EYS: variants seen among roughly 807,000 people sequenced by gnomAD.
The protein encoded by EYS is protein eyes shut homolog.
EYS carries 250 observed loss-of-function variants against 282.1 expected under a neutral mutation model. That is an observed-to-expected ratio of 0.89 (90% confidence interval 0.80 to 0.98). The LOEUF (loss-of-function observed/expected upper bound fraction) is 0.98. EYS is among the 50% of genes least tolerant of loss of function. The pLI, the probability that EYS is intolerant of heterozygous loss-of-function variation, is 0.00. For synonymous variants in EYS, 1,355 were observed against 1,282.9 expected (o/e 1.06, Z -1.20); for missense variants, 4,016 against 3,709.0 (o/e 1.08, Z -2.15).
At chr6:64,359,153 C>G (rs1771925993) in intron 29 of EYS, among the ~76,000 whole-genome samples, 1 of 151,558 alleles carries the variant, frequency 6.6e-6, no homozygotes, top group Non-Finnish European at 1.5e-5. Flanking sequence ...GCATTAACAA[C>G]TCTCATATGC....
At chr6:64,221,245 C>T (rs1766092185) in intron 31 of EYS, among the ~76,000 whole-genome samples, 1 of 152,170 alleles carries the variant, frequency 6.6e-6, no homozygotes, top group South Asian at 2.1e-4. Context: ...TGGAAACTTA[C>T]TCCTCAGTGC....
Position 64,973,077 on chromosome 6 carries a change from T to C in EYS, c.2259+24505A>G, listed in dbSNP as rs371213691. On this transcript the variant is annotated intron_variant, in intron 14 of 42. Transcript: ENST00000503581. Reference sequence around the variant, plus strand: ...AAATATGGATCTGACTTCACTATTATTTTGTACTATATGATTTATAGCCCT... The same window carrying C: ...AAATATGGATCTGACTTCACTATTACTTTGTACTATATGATTTATAGCCCT... Among the ~76,000 whole-genome samples, 5 of 152,088 alleles carry C rather than the reference T, an allele frequency of 3.3e-5. No homozygotes were observed. In the South Asian group the frequency reaches 6.2e-4, roughly 19 times the overall value.
intron 36 of EYS, among the ~76,000 whole-genome samples, chr6:63,812,850 T>TA (rs565541706): frequency 6.6e-5 from 10 of 152,172 alleles, no homozygotes; most frequent in African/African-American, 1.9e-4. Flanking sequence ...TCCTTTCCTC[T>TA]AAAAAATGTT....
At chr6:64,466,720 A>C (rs892125623) in intron 26 of EYS, among the ~76,000 whole-genome samples, 4 of 152,108 alleles carry the variant, frequency 2.6e-5, no homozygotes, top group African/African-American at 9.7e-5. Flanking sequence ...TATTCTTGAA[A>C]ATTGCAAAGA....
intron 35 of EYS, among the ~76,000 whole-genome samples, chr6:63,894,500 T>C (rs1176574528): frequency 6.6e-6 from 1 of 152,060 alleles, no homozygotes; most frequent in Non-Finnish European, 1.5e-5. Flanking sequence ...AGACGGAGGA[T>C]GGCTCTGGCA....
chr6:65,120,179 T>A (rs367839593), intron 12 of EYS, among the ~76,000 whole-genome samples: 18 of 140,216 alleles, frequency 1.3e-4, no homozygotes, highest in South Asian at 4.4e-4. Flanking sequence ...AAAACAAATT[T>A]AAAAAAAACC....
intron 12 of EYS, among the ~76,000 whole-genome samples, chr6:65,111,209 T>C (rs1775204473): frequency 6.6e-6 from 1 of 152,130 alleles, no homozygotes; most frequent in South Asian, 2.1e-4. Context: ...AATTATGACT[T>C]CTTATATCAT....
At chr6:64,105,469 C>T (rs1371347522) in intron 31 of EYS, among the ~76,000 whole-genome samples, 1 of 152,026 alleles carries the variant, frequency 6.6e-6, no homozygotes, top group Non-Finnish European at 1.5e-5. Context: ...CTATAGTTTA[C>T]GTTGGAGTTC....
intron 7 of EYS, among the ~76,000 whole-genome samples, chr6:65,391,848 A>G (rs1300148219): frequency 6.6e-6 from 1 of 152,186 alleles, no homozygotes; most frequent in African/African-American, 2.4e-5. Context: ...ACCAAAAAAG[A>G]GCCCGCATTG....
chr6:65,667,533 G>A (rs75889087), intron 1 of EYS, among the ~76,000 whole-genome samples: 28 of 151,906 alleles, frequency 1.8e-4, no homozygotes, highest in Middle Eastern at 3.4e-3. Flanking sequence ...ACTCAGTGAC[G>A]CCTCTTTTCA....
intron 26 of EYS, among the ~76,000 whole-genome samples, chr6:64,468,854 T>C (rs181211388): frequency 6.6e-6 from 1 of 152,350 alleles, no homozygotes; most frequent in East Asian, 1.9e-4. Flanking sequence ...CATGGCTGTG[T>C]AGTATTCCGT....
intron 35 of EYS, among the ~76,000 whole-genome samples, chr6:63,942,586 G>C (rs901502953): frequency 3.9e-5 from 6 of 152,170 alleles, no homozygotes; most frequent in African/African-American, 1.4e-4. Flanking sequence ...CAATCTGGTA[G>C]AAGGGTTCTG....
In EYS at chr6:64,346,004, A is replaced by G. The variant is rs190089873; in HGVS notation, c.6079-38922T>C. On this transcript the variant is annotated intron_variant, in intron 29 of 42. Coordinates refer to ENST00000503581, the MANE Select transcript of EYS (RefSeq NM_001142800.2). ...ATGCAAATCAAAACCATGATGAGATACCATCTCACACCGGTTAGAATGGTG... is the reference window on the plus strand; with the variant it reads ...ATGCAAATCAAAACCATGATGAGATGCCATCTCACACCGGTTAGAATGGTG... 5.3e-5 allele frequency among the ~76,000 whole-genome samples: 8 copies of G among 152,310 alleles called. No homozygotes were observed. In the East Asian group the frequency reaches 1.4e-3, roughly 26 times the overall value.
rs1191859384 is a variant in EYS at position 64,912,492 on chromosome 6, C to A, written c.2633G>T (p.Cys878Phe). 2 of 1,550,954 alleles carry A rather than the reference C, an allele frequency of 1.3e-6. No homozygotes were observed. The highest frequency in any genetic ancestry group is 2.4e-5 in the South Asian group (2 of 84,042). ...TCCATATTAGCTCTTACCTTCTCTA[C>A]AAATACAATGCTGATTTGCGTCTAC... The part of the protein sequence containing the change: ...ALVDANQHCI[C>F]REEFEGKNCE... The change falls in exon 16 of 43, where the codon TGT becomes TTT. Residue 878 changes from cysteine (C) to phenylalanine (F), a missense_variant. Physicochemically the swap from Cys to Phe is radical, Grantham distance 205. Transcript: ENST00000503581.
chr6:64,755,343 C>T (rs1388189099), intron 22 of EYS, among the ~76,000 whole-genome samples: 2 of 151,934 alleles, frequency 1.3e-5, no homozygotes, highest in African/African-American at 4.8e-5. Context: ...TTGGAAGAAA[C>T]CCCAAAGCAA....
At chr6:64,746,558 T>C (rs989100574) in intron 22 of EYS, among the ~76,000 whole-genome samples, 3 of 152,164 alleles carry the variant, frequency 2.0e-5, no homozygotes, top group Non-Finnish European at 4.4e-5. Context: ...CAGTAACACA[T>C]TTATGTGTTT....
chr6:64,400,034 T>G (rs1053220773), intron 28 of EYS, among the ~76,000 whole-genome samples: 14 of 151,966 alleles, frequency 9.2e-5, no homozygotes, highest in African/African-American at 3.4e-4. Flanking sequence ...ATTGCTATGA[T>G]TTTTGAAATA....
chr6:64,711,801 C>T (rs1217052234), intron 22 of EYS, among the ~76,000 whole-genome samples: 1 of 152,124 alleles, frequency 6.6e-6, no homozygotes. Context: ...TGTCTCTTCC[C>T]CGAAGTCAGG....
At chr6:64,337,031 G>T (rs536903237) in intron 29 of EYS, among the ~76,000 whole-genome samples, 2 of 151,978 alleles carry the variant, frequency 1.3e-5, no homozygotes, top group Non-Finnish European at 2.9e-5. Context: ...GGCTGAAAGA[G>T]CACAAACTGA....
Sources: allele counts gnomAD v4.1 joint callset (sites outside exome capture counted in the v4.1 genomes callset), GRCh38; gene constraint gnomAD v4.1.1; transcripts MANE v1.5; gene names NCBI Gene and HGNC (gene_info 2026-07-23, HGNC 2026-07-21).